Variants in COL24A1 observed in about 807,000 individuals in gnomAD.
The protein encoded by COL24A1 is collagen alpha-1(XXIV) chain.
In COL24A1, 224 loss-of-function variants were observed where a neutral mutation model predicts 253.9. The observed-to-expected ratio is 0.88, with a 90% confidence interval of 0.79 to 0.99. The LOEUF is 0.99. Ranked by LOEUF, COL24A1 falls within the 50% of genes least tolerant of loss-of-function variation. The pLI is 0.00. For missense variants in COL24A1, 2,131 were observed against 2,068.5 expected, an observed-to-expected ratio of 1.03 and a Z score of -0.59; for synonymous variants, 685 against 673.7, an observed-to-expected ratio of 1.02 and a Z score of -0.26.
intron 45 of COL24A1, among the ~76,000 whole-genome samples, chr1:85,819,848 CTTTTTTT>C (rs550894402): frequency 7.4e-6 from 1 of 135,886 alleles, no homozygotes; most frequent in African/African-American, 2.7e-5. Flanking sequence ...TTCTCTTTTC[CTTTTTTT>C]TTTTTTTTTT....
At chr1:85,936,072 A>G (rs1688223535) in intron 24 of COL24A1, among the ~76,000 whole-genome samples, 1 of 147,114 alleles carries the variant, frequency 6.8e-6, no homozygotes, top group Non-Finnish European at 1.5e-5. Flanking sequence ...GGTAAAAGCC[A>G]GGATTTAAAA....
chr1:86,044,701 C>A (rs1699768490), intron 12 of COL24A1, among the ~76,000 whole-genome samples: 1 of 152,114 alleles, frequency 6.6e-6, no homozygotes, highest in Non-Finnish European at 1.5e-5. Context: ...TGGATAATTT[C>A]ATAATTCCCT....
At position 86,122,845 on chromosome 1, in the gene COL24A1, G is replaced by A. The variant is rs569909484; in HGVS notation, c.1491+2000C>T. Among the ~76,000 whole-genome samples, 15 of 152,048 alleles carry A rather than the reference G, an allele frequency of 9.9e-5. No individual in the cohort carries two copies. In the South Asian group the frequency reaches 3.1e-3, roughly 32 times the overall value. On this transcript the variant is annotated intron_variant, in intron 3 of 59. Transcript: ENST00000370571. ...GTATCCTGGACACTGTTACCAGACC[G>A]ATTTTCCAATTAATACCTCTGCTTA...
intron 47 of COL24A1, among the ~76,000 whole-genome samples, chr1:85,809,310 G>A (rs1016211468): frequency 6.6e-6 from 1 of 152,100 alleles, no homozygotes; most frequent in African/African-American, 2.4e-5. Flanking sequence ...GTCTTACAAG[G>A]CAGTTTTCAT....
chr1:85,779,526 G>A (rs948079283), intron 52 of COL24A1, among the ~76,000 whole-genome samples: 3 of 152,064 alleles, frequency 2.0e-5, no homozygotes, highest in African/African-American at 7.2e-5. Flanking sequence ...TAAGAACCTG[G>A]TCTTGGATGA....
chr1:85,784,059 CA>C, intron 50 of COL24A1, 53 bp downstream of exon 50: 1 of 1,364,996 alleles, frequency 7.3e-7, no homozygotes, highest in Non-Finnish European at 1.0e-6. Context: ...ATTATTTCAA[CA>C]GCTCTTTTAT....
chr1:86,084,431 A>G lies in COL24A1; in HGVS notation c.1707+4743T>C, dbSNP rs190465624. ...CACTTAGAACATACTTCCCTCAGGC[A>G]TACAACAGACTCATGCCAATGTTAG... is the stretch of plus-strand genomic sequence containing the variant. On this transcript the variant is annotated intron_variant, in intron 7 of 59. Transcript: ENST00000370571. Among the ~76,000 whole-genome samples the G allele has an allele frequency of 4.6e-3, 696 of 152,326 alleles. 4 individuals are homozygous for G. Among genetic ancestry groups the G allele is most frequent in the African/African-American group, 0.014 (601 of 41,584 alleles).
chr1:85,948,342 G>A (rs909384210), intron 24 of COL24A1, among the ~76,000 whole-genome samples: 15 of 151,336 alleles, frequency 9.9e-5, no homozygotes, highest in Non-Finnish European at 2.2e-4. Flanking sequence ...GGCTAACACG[G>A]TGAAACCCCG....
At chr1:86,134,200 C>G (rs924829123) in intron 2 of COL24A1, among the ~76,000 whole-genome samples, 60 of 150,004 alleles carry the variant, frequency 4.0e-4, no homozygotes, top group Non-Finnish European at 1.6e-4. Flanking sequence ...GTGATATCCC[C>G]TTTATCATTT....
chr1:86,155,272 G>C lies in COL24A1; in HGVS notation c.56+1069C>G, dbSNP rs147991052. On this transcript the variant is annotated intron_variant, in intron 1 of 59. Coordinates refer to ENST00000370571, the MANE Select transcript of COL24A1 (RefSeq NM_152890.7). The stretch of plus-strand genomic sequence containing the variant: ...GCCCCAGCCAGGCTGGGCTGCACGC[G>C]GCTGGGAAGCACATGTTCATACAAA... The C allele has an allele frequency of 3.1e-3, 478 of 152,176 alleles. 4 individuals are homozygous for C. Among genetic ancestry groups the C allele is most frequent in the Middle Eastern group, 0.017 (5 of 296 alleles). 9.4% of individuals were successfully genotyped at this position (152,176 alleles called of 1,614,324 possible). A position where few individuals can be genotyped will look rare whatever the true frequency, so the allele number is the denominator to read the frequency against.
At chr1:85,731,501 T>C (rs916652347) in intron 59 of COL24A1, among the ~76,000 whole-genome samples, 13 of 152,206 alleles carry the variant, frequency 8.5e-5, no homozygotes, top group African/African-American at 3.1e-4. Context: ...AGTCATAAGC[T>C]TGGTATGATA....
At chr1:85,876,127 AGAAT>A (rs1429056064) in intron 33 of COL24A1, among the ~76,000 whole-genome samples, 2 of 152,076 alleles carry the variant, frequency 1.3e-5, no homozygotes, top group Non-Finnish European at 2.9e-5. Flanking sequence ...GAATGATATA[AGAAT>A]GATAAACCGG....
chr1:86,086,304 C>G (rs188087531), intron 7 of COL24A1, among the ~76,000 whole-genome samples: 1 of 152,216 alleles, frequency 6.6e-6, no homozygotes, highest in East Asian at 1.9e-4. Flanking sequence ...GCCAGAGTAA[C>G]AGACCCATAG....
intron 7 of COL24A1, among the ~76,000 whole-genome samples, chr1:86,079,599 C>A (rs755876343): frequency 2.6e-5 from 4 of 151,626 alleles, no homozygotes; most frequent in Non-Finnish European, 5.9e-5. Context: ...GCTCAAACAA[C>A]TAATCAAGTA....
At chr1:85,803,447 C>G (rs1671645716) in intron 47 of COL24A1, among the ~76,000 whole-genome samples, 2 of 145,082 alleles carry the variant, frequency 1.4e-5, no homozygotes, top group Admixed American at 1.4e-4. Context: ...AAAAAAAAAC[C>G]ATAAACAAAC....
chr1:85,918,265 A>T (rs1432364954), intron 24 of COL24A1, among the ~76,000 whole-genome samples: 1 of 152,004 alleles, frequency 6.6e-6, no homozygotes, highest in African/African-American at 2.4e-5. Flanking sequence ...TCTTTAATCC[A>T]TCTGGAGTTC....
chr1:85,842,347 C>T lies in COL24A1; in HGVS notation c.3509G>A (p.Gly1170Glu). 1 of 1,597,816 alleles carries T rather than the reference C, an allele frequency of 6.3e-7. No individual in the cohort carries two copies. The highest frequency in any genetic ancestry group is 8.5e-7 in the Non-Finnish European group (1 of 1,170,790). Reference sequence around the variant, plus strand: ...TCAATTATAAATACTTACCCTGTACCCTGGAATTCCTGGTTCTCCATCAGG... The same window carrying T: ...TCAATTATAAATACTTACCCTGTACTCTGGAATTCCTGGTTCTCCATCAGG... ...MGPDGEPGIP[G>E]YRGHQGQPGP... The change falls in exon 40 of 60, where the codon GGG becomes GAG. Residue 1170 changes from glycine (G) to glutamate (E), a missense_variant. Gly to Glu is a moderately conservative substitution (Grantham distance 98, BLOSUM62 -2). Transcript: ENST00000370571.
chr1:85,941,222 T>A (rs1178194968), intron 24 of COL24A1, among the ~76,000 whole-genome samples: 1 of 152,196 alleles, frequency 6.6e-6, no homozygotes, highest in Non-Finnish European at 1.5e-5. Flanking sequence ...ATTAGTTCTA[T>A]ATTTCTTCCA....
At chr1:86,120,023 C>T (rs1356403875) in intron 3 of COL24A1, among the ~76,000 whole-genome samples, 2 of 152,022 alleles carry the variant, frequency 1.3e-5, no homozygotes, top group African/African-American at 4.8e-5. Flanking sequence ...ACAAACCTGA[C>T]AAAAACAAGA....
Sources: allele counts gnomAD v4.1 joint callset (sites outside exome capture counted in the v4.1 genomes callset), GRCh38; gene constraint gnomAD v4.1.1; transcripts MANE v1.5; gene names NCBI Gene and HGNC (gene_info 2026-07-23, HGNC 2026-07-21).